Variants in RALGPS1 observed in about 807,000 individuals in gnomAD.
RALGPS1 encodes Ral GEF with PH domain and SH3 binding motif 1.
Under a neutral mutation model 78.8 loss-of-function variants are expected in RALGPS1, and 19 were observed. The ratio of observed to expected loss-of-function variants is 0.24; its 90% CI spans 0.17 to 0.35. The LOEUF (loss-of-function observed/expected upper bound fraction) is 0.35. RALGPS1 is among the 10% of genes least tolerant of loss of function. The probability of loss-of-function intolerance (pLI) is 1.00; values close to 1 mark genes in which losing one functional copy is unlikely to be tolerated. For missense variants in RALGPS1, 454 were observed against 688.3 expected, an observed-to-expected ratio of 0.66 and a Z score of 3.81; for synonymous variants, 228 against 256.3, an observed-to-expected ratio of 0.89 and a Z score of 1.06.
chr9:127,204,981 A>G (rs947010479), intron 14 of RALGPS1, among the ~76,000 whole-genome samples: 3 of 152,182 alleles, frequency 2.0e-5, no homozygotes, highest in African/African-American at 7.2e-5. Flanking sequence ...CGCAGGTGAT[A>G]GGTCCCCTTG....
intron 1 of RALGPS1, among the ~76,000 whole-genome samples, chr9:126,946,452 T>C (rs1055206012): frequency 8.9e-5 from 13 of 146,226 alleles, no homozygotes; most frequent in African/African-American, 3.3e-4. Flanking sequence ...GAGAATTGCT[T>C]GAACCTGGGA....
At chr9:127,169,189 T>TC (rs2059441812) in intron 10 of RALGPS1, among the ~76,000 whole-genome samples, 1 of 152,156 alleles carries the variant, frequency 6.6e-6, no homozygotes, top group Admixed American at 6.5e-5. Context: ...CAAGGCAGCT[T>TC]CCAGCCATAT....
chr9:127,101,712 G>A (rs973856983), intron 8 of RALGPS1, among the ~76,000 whole-genome samples: 17 of 152,194 alleles, frequency 1.1e-4, no homozygotes, highest in African/African-American at 4.1e-4. Context: ...TGCACATTAT[G>A]TCTGGGATGG....
At chr9:127,213,126 T>C (rs1339252174) in intron 17 of RALGPS1, 77 bp downstream of exon 17, 1 of 1,584,006 alleles carries the variant, frequency 6.3e-7, no homozygotes, top group Non-Finnish European at 8.6e-7. Flanking sequence ...CATTTTGAAA[T>C]TATTAGGAGC....
In RALGPS1 at chr9:127,183,619, G is replaced by C. The variant is rs2060430090; in HGVS notation, c.910+8837G>C. 6.6e-6 allele frequency among the ~76,000 whole-genome samples: 1 copy of C among 152,162 alleles called. No individual in the cohort carries two copies. Among genetic ancestry groups the C allele is most frequent in the South Asian group, 2.1e-4 (1 of 4,822 alleles). ...TCCCCTGGGTCTCCTGACTGCTAGA[G>C]ACATAGTTCAACCTCCGCAGGGGGT... On this transcript the variant is annotated intron_variant, in intron 11 of 18. Coordinates refer to ENST00000259351, the MANE Select transcript of RALGPS1 (RefSeq NM_014636.3). The surrounding 1 kb of genome is among the most constrained non-coding windows in gnomAD (Gnocchi z 4.0).
At chr9:126,942,639 CT>C (rs1172460953) in intron 1 of RALGPS1, among the ~76,000 whole-genome samples, 1 of 152,150 alleles carries the variant, frequency 6.6e-6, no homozygotes, top group East Asian at 1.9e-4. Context: ...ACTCTTCTTA[CT>C]GTAGTTCTTT....
At chr9:126,972,930 C>T (rs773732221) in intron 3 of RALGPS1, among the ~76,000 whole-genome samples, 16 of 151,998 alleles carry the variant, frequency 1.1e-4, no homozygotes, top group African/African-American at 2.7e-4. Context: ...GGCATGGTGG[C>T]GCACACGTGT....
At chr9:127,165,941 T>C (rs183417743) in intron 8 of RALGPS1, 128 bp from the exon 9 acceptor site, 118 of 1,348,416 alleles carry the variant, frequency 8.8e-5, no homozygotes, top group Non-Finnish European at 6.4e-5. Context: ...GGAATTAAAG[T>C]CCAAATATTA....
intron 10 of RALGPS1, among the ~76,000 whole-genome samples, chr9:127,171,951 A>G (rs1217402703): frequency 1.3e-5 from 2 of 152,184 alleles, no homozygotes; most frequent in Admixed American, 6.5e-5. Context: ...TGTTATTATT[A>G]CCACATAGTC....
At chr9:127,094,480 A>C (rs905105515) in intron 8 of RALGPS1, among the ~76,000 whole-genome samples, 4 of 152,220 alleles carry the variant, frequency 2.6e-5, no homozygotes, top group Non-Finnish European at 4.4e-5. Context: ...CTGCCCTTCC[A>C]GTGACAGTGC....
chr9:126,986,098 G>A (rs1483808752), intron 4 of RALGPS1, among the ~76,000 whole-genome samples: 12 of 152,212 alleles, frequency 7.9e-5, no homozygotes, highest in Admixed American at 7.9e-4. Flanking sequence ...ATAACTGAGG[G>A]TGGAGCTGTG....
intron 4 of RALGPS1, among the ~76,000 whole-genome samples, chr9:126,982,808 C>T (rs1171552499): frequency 7.1e-6 from 1 of 141,344 alleles, no homozygotes. Context: ...CTTCTTCCTT[C>T]TTTCTTCCTC....
chr9:127,181,060 C>T (rs538420170), intron 11 of RALGPS1, among the ~76,000 whole-genome samples: 1 of 152,366 alleles, frequency 6.6e-6, no homozygotes, highest in African/African-American at 2.4e-5. Flanking sequence ...CCTTATGAGC[C>T]AGCCTCAGAA....
chr9:126,978,960 T>C (rs1412241082), intron 4 of RALGPS1, among the ~76,000 whole-genome samples: 3 of 152,152 alleles, frequency 2.0e-5, no homozygotes, highest in Non-Finnish European at 4.4e-5. Context: ...CCCAGCCTTG[T>C]GAGTGAGGTT....
chr9:127,120,545 C>T (rs1390205546), intron 8 of RALGPS1, among the ~76,000 whole-genome samples: 2 of 152,328 alleles, frequency 1.3e-5, no homozygotes, highest in Admixed American at 6.5e-5. Flanking sequence ...GGTCTCTGGC[C>T]GGGTGCAGTG....
At chr9:127,216,794 C>A in intron 18 of RALGPS1, 1 of 969,082 alleles carries the variant, frequency 1.0e-6, no homozygotes, top group Non-Finnish European at 1.4e-6. Flanking sequence ...AGAGGAAGAG[C>A]ATCCTGGCCT....
chr9:127,070,702 T>G (rs1416734118), intron 8 of RALGPS1, among the ~76,000 whole-genome samples: 2 of 152,162 alleles, frequency 1.3e-5, no homozygotes, highest in African/African-American at 4.8e-5. Flanking sequence ...AATCTTTTGA[T>G]CTTTTATGAT....
At chr9:127,124,394 C>G (rs2056446390) in intron 8 of RALGPS1, among the ~76,000 whole-genome samples, 1 of 152,212 alleles carries the variant, frequency 6.6e-6, no homozygotes, top group South Asian at 2.1e-4. Flanking sequence ...AGGAAAGATG[C>G]CTGTAGATGA....
intron 18 of RALGPS1, among the ~76,000 whole-genome samples, chr9:127,215,692 A>C (rs1253250599): frequency 6.6e-6 from 1 of 152,160 alleles, no homozygotes; most frequent in Non-Finnish European, 1.5e-5. Context: ...AAAAGACTGG[A>C]AGCACATCCC....
Sources: allele counts gnomAD v4.1 joint callset (sites outside exome capture counted in the v4.1 genomes callset), GRCh38; gene constraint gnomAD v4.1.1; non-coding constraint Gnocchi (gnomAD v3.1); transcripts MANE v1.5; gene names NCBI Gene and HGNC (gene_info 2026-07-23, HGNC 2026-07-21).